Variants in TMEM87A observed in about 807,000 individuals in gnomAD.
The protein encoded by TMEM87A is Golgi-pH regulating cation channel.
In TMEM87A, 50 loss-of-function variants were observed where a neutral mutation model predicts 90.0. That is an observed-to-expected ratio of 0.56 (90% confidence interval 0.44 to 0.70). The LOEUF is 0.70. Among genes scored for constraint, TMEM87A ranks in the 30% least tolerant of loss-of-function variants. The pLI, the probability that TMEM87A is intolerant of heterozygous loss-of-function variation, is 0.00. For missense variants in TMEM87A, 577 were observed against 660.5 expected (o/e 0.87, Z 1.39); for synonymous variants, 226 against 226.7 (o/e 1.00, Z 0.03).
rs893976366 is a variant in TMEM87A at position 42,272,941 on chromosome 15, A to G, written c.144+314T>C. On this transcript the variant is annotated intron_variant, in intron 1 of 19. Coordinates refer to ENST00000389834, the MANE Select transcript of TMEM87A (RefSeq NM_015497.5). ...CTGGATTCTGTGAAACATCTGAAAG[A>G]TAAACAACTCTCCGTTTGTACATCA... The G allele has an allele frequency of 5.6e-6, 3 of 537,280 alleles. No homozygotes were observed. The African/African-American group carries it at 5.7e-5, about 10-fold the overall frequency. The allele number at this position is 537,280 out of a possible 1,614,324, so 33.3% of individuals were successfully genotyped here.
intron 6 of TMEM87A, among the ~76,000 whole-genome samples, chr15:42,245,520 CTTTTTT>C (rs550453415): frequency 2.5e-5 from 3 of 118,432 alleles, no homozygotes; most frequent in South Asian, 2.8e-4. Context: ...ACATTTATTA[CTTTTTT>C]TTTTTTTTTT....
intron 19 of TMEM87A, among the ~76,000 whole-genome samples, chr15:42,216,181 T>C (rs564864158): frequency 6.6e-6 from 1 of 152,028 alleles, no homozygotes; most frequent in African/African-American, 2.4e-5. Context: ...TTATCTAAAA[T>C]AGAACTCAAA....
chr15:42,256,710 C>T (rs964890700), intron 6 of TMEM87A, among the ~76,000 whole-genome samples: 2 of 152,102 alleles, frequency 1.3e-5, no homozygotes, highest in African/African-American at 4.8e-5. Flanking sequence ...TCACCCTCAA[C>T]AATAATTTTT....
At chr15:42,231,327 C>T (rs1443759932) in intron 11 of TMEM87A, 67 bp from the exon 12 acceptor site, 5 of 1,292,676 alleles carry the variant, frequency 3.9e-6, no homozygotes, top group Non-Finnish European at 5.3e-6. Context: ...GAAACCACCA[C>T]ATGATTCTGC....
intron 3 of TMEM87A, among the ~76,000 whole-genome samples, chr15:42,266,512 T>C (rs59847474): frequency 0.34 from 18,666 of 54,624 alleles, 1,829 homozygotes; most frequent in Admixed American, 0.39. Flanking sequence ...TGAGACTCCA[T>C]CTCAAAAAAA....
chr15:42,261,177 A>G lies in TMEM87A; in HGVS notation c.459+19T>C, dbSNP rs1230730164. 6.2e-7 allele frequency: 1 copy of G among 1,611,298 alleles called. No individual in the cohort carries two copies. The highest frequency in any genetic ancestry group is 2.2e-5 in the East Asian group (1 of 44,842). ...AAGTTTTTACTGCACTCTCAGAAAT[A>G]TATAATGAAAACAATTACCTCCTGT... On this transcript the variant is annotated intron_variant, in intron 5 of 19. Transcript: ENST00000389834.
intron 6 of TMEM87A, among the ~76,000 whole-genome samples, chr15:42,259,153 C>G (rs1414529188): frequency 6.6e-6 from 1 of 152,120 alleles, no homozygotes; most frequent in East Asian, 1.9e-4. Context: ...CACAGAGTTT[C>G]ACTCTGTTGC....
chr15:42,222,400 T>C (rs954960874), intron 15 of TMEM87A, among the ~76,000 whole-genome samples: 2 of 152,098 alleles, frequency 1.3e-5, no homozygotes, highest in Non-Finnish European at 2.9e-5. Flanking sequence ...CAGCTGAGCC[T>C]GCACTTATAA....
chr15:42,236,470 G>T, intron 9 of TMEM87A, 51 bp from the exon 10 acceptor site: 1 of 1,500,964 alleles, frequency 6.7e-7, no homozygotes, highest in Non-Finnish European at 9.3e-7. Context: ...TTGGCAACAG[G>T]CCAGATGCCA....
At chr15:42,226,103 G>A (rs1048116080) in intron 15 of TMEM87A, among the ~76,000 whole-genome samples, 1 of 151,966 alleles carries the variant, frequency 6.6e-6, no homozygotes, top group Admixed American at 6.6e-5. Flanking sequence ...AGGTTCAAGC[G>A]ATTCTCCTGC....
chr15:42,231,973 G>A, intron 11 of TMEM87A: 2 of 979,602 alleles, frequency 2.0e-6, no homozygotes, highest in Non-Finnish European at 1.4e-6. Context: ...GTTGCTAGAA[G>A]TCTAAGAGAA....
At position 42,227,411 on chromosome 15, in the gene TMEM87A, G is replaced by T. The variant is rs547750309; in HGVS notation, c.1299+300C>A. Among the ~76,000 whole-genome samples, 8 of 152,134 alleles carry T rather than the reference G, an allele frequency of 5.3e-5. No homozygotes were observed. In the East Asian group the frequency reaches 1.5e-3, roughly 29 times the overall value. On this transcript the variant is annotated intron_variant, in intron 14 of 19. Transcript: ENST00000389834. The stretch of plus-strand genomic sequence containing the variant: ...TATGGTACTTAATATTTAGTACTCT[G>T]GACTTCTTAAGATTTTTAGTTAAAA...
At chr15:42,264,699 A>ATATATATATATATATTTTTTT (rs10681614) in intron 3 of TMEM87A, among the ~76,000 whole-genome samples, 22 of 109,428 alleles carry the variant, frequency 2.0e-4, no homozygotes, top group African/African-American at 6.5e-4. Context: ...ATATATATAT[A>ATATATATATATATATTTTTTT]TTTTTTTTTT....
chr15:42,234,648 T>C (rs909725215), intron 10 of TMEM87A, among the ~76,000 whole-genome samples: 2 of 152,222 alleles, frequency 1.3e-5, no homozygotes, highest in African/African-American at 2.4e-5. Context: ...GCTATAGCAT[T>C]ACTTAATCCC....
chr15:42,225,678 T>G (rs543577937), intron 15 of TMEM87A, among the ~76,000 whole-genome samples: 160 of 152,232 alleles, frequency 1.1e-3, no homozygotes, highest in Non-Finnish European at 1.7e-3. Flanking sequence ...ATTAGAGGTG[T>G]GCACTGCCAT....
intron 1 of TMEM87A, 173 bp downstream of exon 1, chr15:42,273,082 T>G: frequency 2.7e-6 from 2 of 753,582 alleles, no homozygotes; most frequent in Non-Finnish European, 4.4e-6. Flanking sequence ...ATCACAGAAG[T>G]GCGCGGCTTT....
At chr15:42,231,369 GAACTGAAAGAAAATAAAA>G in intron 11 of TMEM87A, 109 bp from the exon 12 acceptor site, 1 of 768,532 alleles carries the variant, frequency 1.3e-6, no homozygotes. Context: ...TTTTTGCATT[GAACTGAAAGAAAATAAAA>G]AGAACATTTG....
intron 3 of TMEM87A, among the ~76,000 whole-genome samples, chr15:42,264,468 G>A (rs927669067): frequency 6.6e-5 from 10 of 152,060 alleles, no homozygotes; most frequent in African/African-American, 2.2e-4. Flanking sequence ...CTGCCAGAGT[G>A]TAGAGGGTTT....
At chr15:42,217,630 T>G (rs950599966) in intron 19 of TMEM87A, among the ~76,000 whole-genome samples, 173 bp downstream of exon 19, 1 of 152,208 alleles carries the variant, frequency 6.6e-6, no homozygotes, top group Non-Finnish European at 1.5e-5. Context: ...AAAGGAAGAT[T>G]CTTGAATGTT....
Sources: gnomAD v4.1 joint callset for allele counts (sites outside exome capture counted in the v4.1 genomes callset) on GRCh38, gnomAD v4.1.1 for gene constraint, MANE v1.5 for transcripts, NCBI Gene and HGNC (gene_info 2026-07-23, HGNC 2026-07-21) for gene names.